UBE3C: variants seen among roughly 807,000 people sequenced by gnomAD.
The protein encoded by UBE3C is ubiquitin protein ligase E3C.
A neutral mutation model predicts 129.4 loss-of-function variants in UBE3C; 42 were observed. The ratio of observed to expected loss-of-function variants is 0.32; its 90% CI spans 0.25 to 0.42. UBE3C has a LOEUF of 0.42. Among genes scored for constraint, UBE3C ranks in the 10% least tolerant of loss-of-function variants. The pLI is 1.00. For missense variants in UBE3C, 1,049 were observed against 1,319.1 expected (o/e 0.80, Z 3.17); for synonymous variants, 510 against 492.4 (o/e 1.04, Z -0.47).
In UBE3C at chr7:157,254,025, G is replaced by GGTGGCA. The variant is rs1796683295; in HGVS notation, c.2768_2773dup (p.Val923_Ala924dup). ...CCAACCGGATTGCGTACATCCACTT[G>GGTGGCA]GTGGCAGACTACAGGCTGAACAGGC... On this transcript the variant is annotated inframe_insertion, in exon 20 of 23. Coordinates refer to ENST00000348165, the MANE Select transcript of UBE3C (RefSeq NM_014671.3). The GGTGGCA allele has an allele frequency of 6.2e-7, 1 of 1,613,250 alleles. No homozygotes were observed. Among genetic ancestry groups the GGTGGCA allele is most frequent in the African/African-American group, 1.3e-5 (1 of 74,880 alleles).
intron 17 of UBE3C, 47 bp downstream of exon 17, chr7:157,225,586 G>A (rs976408268): frequency 1.3e-6 from 2 of 1,503,130 alleles, no homozygotes; most frequent in Admixed American, 2.5e-5. Flanking sequence ...GGAGGCTAGG[G>A]AATTGTTTTA....
intron 18 of UBE3C, among the ~76,000 whole-genome samples, chr7:157,243,047 T>C (rs1796384565): frequency 1.3e-5 from 2 of 150,700 alleles, no homozygotes; most frequent in South Asian, 2.1e-4. Flanking sequence ...AGAGGGAAAC[T>C]CCATCTCAAA....
chr7:157,155,205 A>G (rs1030079571), intron 1 of UBE3C, among the ~76,000 whole-genome samples: 2 of 152,116 alleles, frequency 1.3e-5, no homozygotes, highest in Non-Finnish European at 2.9e-5. Flanking sequence ...ACACACACAC[A>G]TTGTAGCTTA....
intron 13 of UBE3C, among the ~76,000 whole-genome samples, chr7:157,214,670 A>T (rs1051123591): frequency 1.6e-4 from 24 of 152,230 alleles, no homozygotes; most frequent in African/African-American, 5.8e-4. Context: ...AAAAGATTGT[A>T]CTTCTGTTCC....
At chr7:157,256,341 C>G (rs1584826579) in intron 21 of UBE3C, among the ~76,000 whole-genome samples, 1 of 152,198 alleles carries the variant, frequency 6.6e-6, no homozygotes, top group African/African-American at 2.4e-5. Context: ...CAGGGTTTCA[C>G]CATGTTGGCC....
intron 5 of UBE3C, among the ~76,000 whole-genome samples, chr7:157,178,078 A>G (rs1027684585): frequency 6.6e-6 from 1 of 152,106 alleles, no homozygotes; most frequent in Non-Finnish European, 1.5e-5. Flanking sequence ...AGTGGACTAG[A>G]GACAGCCAAG....
At position 157,234,533 on chromosome 7, in the gene UBE3C, T is replaced by A. The variant is rs1328601787; in HGVS notation, c.2481+3206T>A. Among the ~76,000 whole-genome samples the A allele has an allele frequency of 2.6e-5, 4 of 152,348 alleles. No individual in the cohort carries two copies. The East Asian group carries it at 7.7e-4, about 29-fold the overall frequency. The stretch of plus-strand genomic sequence containing the variant: ...GAACCGCAGCCTTGTTAAGCAGGGA[T>A]AATGGGAAGGAATCAGTCTATCCTG... On this transcript the variant is annotated intron_variant, in intron 18 of 22. Coordinates refer to ENST00000348165, the MANE Select transcript of UBE3C (RefSeq NM_014671.3).
intron 1 of UBE3C, among the ~76,000 whole-genome samples, chr7:157,155,505 T>C (rs1333645567): frequency 6.6e-6 from 1 of 152,220 alleles, no homozygotes. Context: ...TTTGGGCATG[T>C]GGTCTTTTGG....
At chr7:157,212,852 G>A (rs1809636278) in intron 13 of UBE3C, among the ~76,000 whole-genome samples, 1 of 152,094 alleles carries the variant, frequency 6.6e-6, no homozygotes, top group African/African-American at 2.4e-5. Flanking sequence ...CCACCCCCCA[G>A]GCTCAAGTGA....
intron 2 of UBE3C, among the ~76,000 whole-genome samples, chr7:157,167,710 G>A (rs1046908602): frequency 2.6e-5 from 4 of 151,808 alleles, no homozygotes; most frequent in South Asian, 2.1e-4. Flanking sequence ...CTAATTTTTT[G>A]TATTTTTAGA....
intron 1 of UBE3C, among the ~76,000 whole-genome samples, chr7:157,161,659 G>T (rs1417078393): frequency 7.9e-5 from 12 of 151,948 alleles, no homozygotes; most frequent in Admixed American, 7.2e-4. Flanking sequence ...TCACCATGTA[G>T]CCCAGGCTGG....
intron 18 of UBE3C, among the ~76,000 whole-genome samples, chr7:157,244,588 CATT>C (rs1425492224): frequency 6.6e-6 from 1 of 152,134 alleles, no homozygotes; most frequent in Non-Finnish European, 1.5e-5. Flanking sequence ...ATTTGAAAAG[CATT>C]ATTTTTTTAT....
At chr7:157,167,389 T>A (rs1198471938) in intron 2 of UBE3C, among the ~76,000 whole-genome samples, 1 of 152,192 alleles carries the variant, frequency 6.6e-6, no homozygotes, top group African/African-American at 2.4e-5. Flanking sequence ...AGTACAGGCT[T>A]TATTATCATA....
intron 21 of UBE3C, among the ~76,000 whole-genome samples, chr7:157,255,739 G>A (rs1208546785): frequency 6.6e-6 from 1 of 152,154 alleles, no homozygotes; most frequent in Non-Finnish European, 1.5e-5. Flanking sequence ...TATTAACAAT[G>A]AGGGAACAAT....
At chr7:157,210,914 G>A (rs1809573555) in intron 13 of UBE3C, among the ~76,000 whole-genome samples, 1 of 152,206 alleles carries the variant, frequency 6.6e-6, no homozygotes, top group South Asian at 2.1e-4. Flanking sequence ...GTCACTGTAA[G>A]AATTGAGGTC....
At position 157,181,560 on chromosome 7, in the gene UBE3C, CATCA is replaced by C; in HGVS notation, c.661_664del (p.Ser221ValfsTer12). ...TATTTGTTGATTAACAGCAAGCTTCCATCAAGTATTGAATATTCTGATTTATCTC... is the reference window on the plus strand; with the variant it reads ...TATTTGTTGATTAACAGCAAGCTTCCAGTATTGAATATTCTGATTTATCTC... On this transcript the variant is annotated frameshift_variant, in exon 7 of 23. Transcript: ENST00000348165. LOFTEE classifies it high-confidence loss of function. The C allele has an allele frequency of 6.2e-7, 1 of 1,612,254 alleles. No homozygotes were observed. The highest frequency in any genetic ancestry group is 8.5e-7 in the Non-Finnish European group (1 of 1,179,492).
intron 1 of UBE3C, among the ~76,000 whole-genome samples, chr7:157,155,493 A>G (rs1173624502): frequency 6.6e-6 from 1 of 152,172 alleles, no homozygotes; most frequent in African/African-American, 2.4e-5. Flanking sequence ...GTTAGCAGTT[A>G]ATTTGGGCAT....
At chr7:157,211,167 GGAGAGAGAGA>G (rs3039783) in intron 13 of UBE3C, among the ~76,000 whole-genome samples, 19 of 137,170 alleles carry the variant, frequency 1.4e-4, no homozygotes, top group East Asian at 6.6e-4. Flanking sequence ...CCATATGTCT[GGAGAGAGAGA>G]GAGAGAGAGA....
intron 9 of UBE3C, among the ~76,000 whole-genome samples, chr7:157,185,769 T>C (rs977680514): frequency 6.6e-6 from 1 of 152,156 alleles, no homozygotes; most frequent in African/African-American, 2.4e-5. Flanking sequence ...ATAGTAGTGC[T>C]AGGATTCCTT....
Sources: gnomAD v4.1 joint callset for allele counts (sites outside exome capture counted in the v4.1 genomes callset) on GRCh38, gnomAD v4.1.1 for gene constraint, MANE v1.5 for transcripts, NCBI Gene and HGNC (gene_info 2026-07-23, HGNC 2026-07-21) for gene names.